The following PLCB4 variants were observed in gnomAD, a reference collection of about 807,000 sequenced individuals.
The protein encoded by PLCB4 is phospholipase C beta 4.
Under a neutral mutation model 178.8 loss-of-function variants are expected in PLCB4, and 77 were observed. That is an observed-to-expected ratio of 0.43 (90% CI 0.36 to 0.52). The LOEUF (loss-of-function observed/expected upper bound fraction) is 0.52, where lower values mean the gene tolerates loss of function less well. PLCB4 is among the 20% of genes least tolerant of loss of function. The probability of loss-of-function intolerance (pLI) is 0.00; values close to 1 mark genes in which losing one functional copy is unlikely to be tolerated. For missense variants in PLCB4, 1,024 were observed against 1,453.4 expected (o/e 0.70, Z 4.80); for synonymous variants, 496 against 490.8 (o/e 1.01, Z -0.14).
intron 2 of PLCB4, among the ~76,000 whole-genome samples, chr20:9,211,677 T>C (rs1259240869): frequency 1.3e-5 from 2 of 152,218 alleles, no homozygotes; most frequent in Non-Finnish European, 2.9e-5. Flanking sequence ...GATGGTAATG[T>C]GGTAACATTA....
At chr20:9,187,773 A>T (rs1431944697) in intron 2 of PLCB4, among the ~76,000 whole-genome samples, 4 of 152,232 alleles carry the variant, frequency 2.6e-5, no homozygotes, top group African/African-American at 4.8e-5. Flanking sequence ...GGCAAATATC[A>T]TCCTATAGTT....
intron 21 of PLCB4, among the ~76,000 whole-genome samples, chr20:9,406,756 A>G (rs2039470806): frequency 6.6e-6 from 1 of 152,112 alleles, no homozygotes; most frequent in Non-Finnish European, 1.5e-5. Flanking sequence ...CAGCCTCCCA[A>G]AGTGCTGGGA....
chr20:9,455,775 C>T (rs1342308989), intron 33 of PLCB4, among the ~76,000 whole-genome samples: 1 of 152,200 alleles, frequency 6.6e-6, no homozygotes, highest in Non-Finnish European at 1.5e-5. Context: ...CAAAATCAGA[C>T]ATCAGATACT....
chr20:9,372,475 G>A (rs2148301510), intron 11 of PLCB4, 72 bp downstream of exon 11: 3 of 746,226 alleles, frequency 4.0e-6, no homozygotes, highest in Non-Finnish European at 6.8e-6. Flanking sequence ...AAACGTTTTT[G>A]TCCTATTTTA....
intron 17 of PLCB4, among the ~76,000 whole-genome samples, chr20:9,393,043 CA>C (rs1255302117): frequency 1.3e-5 from 2 of 152,100 alleles, no homozygotes; most frequent in Non-Finnish European, 2.9e-5. Context: ...ATGCTGTAGT[CA>C]AGTTCAGATT....
rs2093692528 is a variant in PLCB4, at chr20:9,213,202, C to T, written c.-78-4188C>T. Among the ~76,000 whole-genome samples, 4 of 120,068 alleles carry T rather than the reference C, an allele frequency of 3.3e-5. No individual in the cohort carries two copies. The South Asian group carries it at 1.0e-3, about 31-fold the overall frequency. The allele number at this position is 120,068 out of a possible 152,430, so 78.8% of individuals were successfully genotyped here. A position where few individuals can be genotyped will look rare whatever the true frequency, so the allele number is the denominator to read the frequency against. ...TCACCCAGGCTGGAGGGCAGTGGTG[C>T]AGTGCAATCTCGGCTCACTACAAAC... On this transcript the variant is annotated intron_variant, in intron 2 of 39. Coordinates refer to ENST00000378473, the MANE Select transcript of PLCB4 (RefSeq NM_001377142.1).
chr20:9,370,115 A>G (rs1467003479), intron 9 of PLCB4, among the ~76,000 whole-genome samples: 1 of 152,198 alleles, frequency 6.6e-6, no homozygotes, highest in African/African-American at 2.4e-5. Context: ...GCACCAACAC[A>G]TTTATAATGG....
chr20:9,280,465 GA>G (rs2094485271), intron 3 of PLCB4: 7 of 983,978 alleles, frequency 7.1e-6, no homozygotes, highest in South Asian at 4.7e-5. Context: ...GAAGGGAAGG[GA>G]AAAAAAGGAG....
intron 4 of PLCB4, among the ~76,000 whole-genome samples, chr20:9,312,952 G>C (rs151116843): frequency 6.6e-6 from 1 of 152,066 alleles, no homozygotes; most frequent in Non-Finnish European, 1.5e-5. Context: ...ATTAAACTTC[G>C]AAGAATCTAT....
chr20:9,419,549 G>C (rs1216752745), intron 25 of PLCB4, among the ~76,000 whole-genome samples: 1 of 152,120 alleles, frequency 6.6e-6, no homozygotes, highest in Non-Finnish European at 1.5e-5. Flanking sequence ...ATAAAGAAAA[G>C]TATTTAAAGG....
chr20:9,215,916 T>C (rs1178053020), intron 2 of PLCB4, among the ~76,000 whole-genome samples: 4 of 152,200 alleles, frequency 2.6e-5, no homozygotes, highest in African/African-American at 9.6e-5. Context: ...CTTTTTAAAT[T>C]AATAAAATGA....
At chr20:9,277,609 T>G (rs541550097) in intron 3 of PLCB4, among the ~76,000 whole-genome samples, 1 of 152,140 alleles carries the variant, frequency 6.6e-6, no homozygotes, top group Non-Finnish European at 1.5e-5. Context: ...GGTTAGAGTC[T>G]TAATAGTTGA....
At position 9,420,745 on chromosome 20, in the gene PLCB4, G is replaced by C. The variant is rs181704875; in HGVS notation, c.2155-552G>C. Among the ~76,000 whole-genome samples the C allele has an allele frequency of 2.3e-3, 350 of 152,298 alleles. 3 individuals carry two copies. The highest frequency in any genetic ancestry group is 8.2e-3 in the African/African-American group (340 of 41,568). On this transcript the variant is annotated intron_variant, in intron 26 of 39. Coordinates refer to ENST00000378473, the MANE Select transcript of PLCB4 (RefSeq NM_001377142.1). ...CAAAAAACCCTAATAAGTGGCTATA[G>C]TCATTTAAACACTAAATGAAAAATC...
intron 2 of PLCB4, among the ~76,000 whole-genome samples, chr20:9,171,181 C>A (rs1460086113): frequency 3.9e-5 from 6 of 152,144 alleles, no homozygotes; most frequent in Non-Finnish European, 8.8e-5. Context: ...CAGGTATTTT[C>A]TGTAAGAAAT....
chr20:9,353,220 T>C (rs2034494635), intron 7 of PLCB4, among the ~76,000 whole-genome samples: 2 of 152,256 alleles, frequency 1.3e-5, no homozygotes, highest in African/African-American at 4.8e-5. Flanking sequence ...TGTAGCTTTC[T>C]ATCCTGGGTT....
chr20:9,413,454 T>C (rs1356370943), intron 25 of PLCB4, among the ~76,000 whole-genome samples: 2 of 151,844 alleles, frequency 1.3e-5, no homozygotes, highest in African/African-American at 4.8e-5. Flanking sequence ...GGTTAGGAGA[T>C]CGAGACCATC....
rs759413726 is a variant in PLCB4, at chr20:9,408,727, T to A, written c.1874+10T>A. The stretch of plus-strand genomic sequence containing the variant: ...CAATTGAATTTGTCAAGTATCCTTA[T>A]GTATCAAGTGGAATGAGTGGTTGAC... On this transcript the variant is annotated intron_variant, in intron 23 of 39. Coordinates refer to ENST00000378473, the MANE Select transcript of PLCB4 (RefSeq NM_001377142.1). 7.7e-6 allele frequency: 11 copies of A among 1,431,544 alleles called. No homozygotes were observed. Among genetic ancestry groups the A allele is most frequent in the Non-Finnish European group, 1.1e-5 (11 of 1,014,444 alleles). 88.7% of individuals were successfully genotyped at this position (1,431,544 alleles called of 1,614,324 possible).
At chr20:9,185,911 A>T (rs2093322634) in intron 2 of PLCB4, among the ~76,000 whole-genome samples, 1 of 151,862 alleles carries the variant, frequency 6.6e-6, no homozygotes, top group Non-Finnish European at 1.5e-5. Flanking sequence ...ATTAACATTA[A>T]CCCCTACTCC....
intron 12 of PLCB4, among the ~76,000 whole-genome samples, chr20:9,373,544 TTG>T (rs1395092628): frequency 6.6e-6 from 1 of 152,238 alleles, no homozygotes; most frequent in Non-Finnish European, 1.5e-5. Context: ...AGCTTTATTT[TTG>T]TCTTTTAATG....
Sources: allele counts gnomAD v4.1 joint callset (sites outside exome capture counted in the v4.1 genomes callset), GRCh38; gene constraint gnomAD v4.1.1; transcripts MANE v1.5; gene names NCBI Gene and HGNC (gene_info 2026-07-23, HGNC 2026-07-21).